IGF1: variants seen among roughly 807,000 people sequenced by gnomAD.
The protein encoded by IGF1 is insulin-like growth factor 1.
IGF1 carries 4 observed loss-of-function variants against 13.8 expected under a neutral mutation model. The ratio of observed to expected loss-of-function variants is 0.29; its 90% CI spans 0.14 to 0.66. IGF1 has a LOEUF of 0.66. IGF1 is among the 30% of genes least tolerant of loss of function. The pLI, the probability that IGF1 is intolerant of heterozygous loss-of-function variation, is 0.78. For synonymous variants in IGF1, 76 were observed against 72.6 expected, an observed-to-expected ratio of 1.05 and a Z score of -0.23; for missense variants, 124 against 188.5, an observed-to-expected ratio of 0.66 and a Z score of 2.00.
chr12:102,465,539 A>G (rs1319452766), intron 2 of IGF1, among the ~76,000 whole-genome samples: 1 of 152,246 alleles, frequency 6.6e-6, no homozygotes. Context: ...ACAAGAAAAA[A>G]GGAGAAAAAT....
intron 2 of IGF1, among the ~76,000 whole-genome samples, chr12:102,433,282 A>G (rs1186945429): frequency 6.6e-6 from 1 of 152,256 alleles, no homozygotes; most frequent in Non-Finnish European, 1.5e-5. Context: ...CGCTATTCTC[A>G]GTACCAGGGA....
intron 3 of IGF1, among the ~76,000 whole-genome samples, chr12:102,409,619 A>G (rs1874460776): frequency 6.6e-6 from 1 of 152,140 alleles, no homozygotes. Flanking sequence ...TCAACTAAGA[A>G]ATGCAGGAGA....
chr12:102,410,866 A>G (rs1250508183), intron 3 of IGF1, among the ~76,000 whole-genome samples: 1 of 152,244 alleles, frequency 6.6e-6, no homozygotes, highest in Non-Finnish European at 1.5e-5. Flanking sequence ...GATGAACAAA[A>G]TAACACTATG....
At chr12:102,449,159 C>T (rs1878669593) in intron 2 of IGF1, among the ~76,000 whole-genome samples, 1 of 152,134 alleles carries the variant, frequency 6.6e-6, no homozygotes, top group Non-Finnish European at 1.5e-5. Flanking sequence ...AAATGCCCAT[C>T]AGTGATAGAC....
intron 2 of IGF1, among the ~76,000 whole-genome samples, chr12:102,435,437 C>G (rs1877143643): frequency 6.6e-6 from 1 of 152,200 alleles, no homozygotes. Context: ...CCCCAGCATG[C>G]CTGTGGTCCA....
chr12:102,464,105 C>G (rs1880126706), intron 2 of IGF1, among the ~76,000 whole-genome samples: 1 of 152,192 alleles, frequency 6.6e-6, no homozygotes, highest in Non-Finnish European at 1.5e-5. Flanking sequence ...CCCAACACTA[C>G]TCCTTTTAAA....
At chr12:102,415,295 TCCATCC>T (rs1874993514) in intron 3 of IGF1, among the ~76,000 whole-genome samples, 6 of 151,680 alleles carry the variant, frequency 4.0e-5, no homozygotes, top group Non-Finnish European at 8.8e-5. Flanking sequence ...CATCCATCCA[TCCATCC>T]ATCCAACATT....
chr12:102,462,143 T>G (rs1362933769), intron 2 of IGF1, among the ~76,000 whole-genome samples: 1 of 152,216 alleles, frequency 6.6e-6, no homozygotes, highest in Non-Finnish European at 1.5e-5. Flanking sequence ...CTAAGCTTTG[T>G]TTTTCCTAAG....
chr12:102,479,408 A>G (rs967038260), intron 1 of IGF1, among the ~76,000 whole-genome samples: 9 of 150,972 alleles, frequency 6.0e-5, no homozygotes, highest in African/African-American at 2.2e-4. Flanking sequence ...TTGCAAATTG[A>G]AAAAAAAACA....
intron 3 of IGF1, among the ~76,000 whole-genome samples, chr12:102,410,389 T>C (rs1874532726): frequency 6.6e-6 from 1 of 152,232 alleles, no homozygotes; most frequent in African/African-American, 2.4e-5. Flanking sequence ...TTTAAGCTTA[T>C]TATCTTTCGC....
chr12:102,419,413 C>A, intron 3 of IGF1, 96 bp downstream of exon 3: 1 of 1,232,592 alleles, frequency 8.1e-7, no homozygotes, highest in Non-Finnish European at 1.1e-6. Flanking sequence ...GACTTGTAAG[C>A]CAGGAGACTA....
intron 2 of IGF1, among the ~76,000 whole-genome samples, chr12:102,458,725 C>T (rs180676648): frequency 8.7e-5 from 1 of 11,554 alleles, no homozygotes; most frequent in East Asian, 7.4e-3. Context: ...GGTAGGAACA[C>T]TGACCAAAAA....
chr12:102,442,984 A>G (rs1345863305), intron 2 of IGF1, among the ~76,000 whole-genome samples: 1 of 152,058 alleles, frequency 6.6e-6, no homozygotes, highest in African/African-American at 2.4e-5. Flanking sequence ...AAAATGGCTC[A>G]GAGATCACAA....
chr12:102,474,481 T>G (rs777568919), intron 2 of IGF1, among the ~76,000 whole-genome samples: 25 of 152,196 alleles, frequency 1.6e-4, no homozygotes, highest in Non-Finnish European at 2.2e-4. Flanking sequence ...TCTCCCTTAC[T>G]GATCTCCAGA....
intron 3 of IGF1, among the ~76,000 whole-genome samples, chr12:102,418,879 T>C (rs1358594979): frequency 1.3e-5 from 2 of 152,244 alleles, no homozygotes; most frequent in Non-Finnish European, 2.9e-5. Context: ...GGCATTCTTA[T>C]AGCCAAACAG....
chr12:102,420,036 C>T lies in IGF1; in HGVS notation c.221-346G>A, dbSNP rs5742682. On this transcript the variant is annotated intron_variant, in intron 2 of 3. Transcript: ENST00000337514. ...GATGATAGAAATATTAAAATAAGAT[C>T]ATGCATTGTTTTCTTAATCTTGTTG... is the stretch of plus-strand genomic sequence containing the variant. Among the ~76,000 whole-genome samples the T allele has an allele frequency of 3.2e-3, 489 of 152,326 alleles. 1 individual carries two copies. Among genetic ancestry groups the T allele is most frequent in the African/African-American group, 0.01 (423 of 41,582 alleles).
intron 2 of IGF1, among the ~76,000 whole-genome samples, chr12:102,467,253 A>T (rs1183710587): frequency 1.3e-5 from 2 of 152,254 alleles, no homozygotes; most frequent in Non-Finnish European, 2.9e-5. Flanking sequence ...AGAGCCTTTT[A>T]GTACCTCATA....
chr12:102,439,668 C>T (rs1877536971), intron 2 of IGF1, among the ~76,000 whole-genome samples: 1 of 149,210 alleles, frequency 6.7e-6, no homozygotes, highest in Admixed American at 6.7e-5. Flanking sequence ...TTTCATTCTC[C>T]TATTTTAAGG....
At chr12:102,478,606 G>T (rs1369658523) in intron 1 of IGF1, 1 of 1,545,448 alleles carries the variant, frequency 6.5e-7, no homozygotes, top group South Asian at 1.2e-5. Context: ...TGTGGGTGGG[G>T]TTTGTGAAAG....
Sources: allele counts gnomAD v4.1 joint callset (sites outside exome capture counted in the v4.1 genomes callset), GRCh38; gene constraint gnomAD v4.1.1; transcripts MANE v1.5; gene names NCBI Gene and HGNC (gene_info 2026-07-23, HGNC 2026-07-21).